PIP5K1B: variants seen among roughly 807,000 people sequenced by gnomAD.
PIP5K1B encodes phosphatidylinositol 4-phosphate 5-kinase type-1 beta.
A neutral mutation model predicts 67.0 loss-of-function variants in PIP5K1B; 42 were observed. The ratio of observed to expected loss-of-function variants is 0.63; its 90% CI spans 0.49 to 0.81. The LOEUF is 0.81. Among genes scored for constraint, PIP5K1B ranks in the 30% least tolerant of loss-of-function variants. The probability of loss-of-function intolerance (pLI) is 0.00; values close to 1 mark genes in which losing one functional copy is unlikely to be tolerated. For missense variants in PIP5K1B, 459 were observed against 646.3 expected, an observed-to-expected ratio of 0.71 and a Z score of 3.14; for synonymous variants, 214 against 231.4, an observed-to-expected ratio of 0.92 and a Z score of 0.68.
At chr9:68,978,953 C>A (rs1297171302) in intron 14 of PIP5K1B, among the ~76,000 whole-genome samples, 1 of 152,164 alleles carries the variant, frequency 6.6e-6, no homozygotes, top group Admixed American at 6.5e-5. Context: ...AAATTAATTT[C>A]TGTATATGAT....
chr9:68,806,608 C>G (rs749116430), intron 2 of PIP5K1B, among the ~76,000 whole-genome samples: 1 of 152,208 alleles, frequency 6.6e-6, no homozygotes, highest in Non-Finnish European at 1.5e-5. Flanking sequence ...TCATCCTCTT[C>G]CCTTGAATTC....
chr9:68,753,599 A>T (rs540443879), intron 2 of PIP5K1B, among the ~76,000 whole-genome samples: 21 of 127,258 alleles, frequency 1.7e-4, no homozygotes, highest in Non-Finnish European at 2.9e-4. Flanking sequence ...ATCTCAGCTC[A>T]CTGCAAGCTC....
Position 68,989,165 on chromosome 9 carries a change from G to T in PIP5K1B, c.1503-1975G>T, listed in dbSNP as rs367857794. Reference sequence around the variant, plus strand: ...AAGTTTTTTTTTTAATATTAAAAAGGTCAGGGCTTTTAATATTTCACATAT... The same window carrying T: ...AAGTTTTTTTTTTAATATTAAAAAGTTCAGGGCTTTTAATATTTCACATAT... On this transcript the variant is annotated intron_variant, in intron 14 of 15. Coordinates refer to ENST00000265382, the MANE Select transcript of PIP5K1B (RefSeq NM_003558.4). Among the ~76,000 whole-genome samples, 6 of 147,588 alleles carry T rather than the reference G, an allele frequency of 4.1e-5. No individual in the cohort carries two copies. The East Asian group carries it at 1.2e-3, about 29-fold the overall frequency.
intron 3 of PIP5K1B, among the ~76,000 whole-genome samples, chr9:68,821,995 T>C (rs970540705): frequency 6.6e-6 from 1 of 152,234 alleles, no homozygotes; most frequent in Non-Finnish European, 1.5e-5. Flanking sequence ...AGTTTTTTCA[T>C]ATGAAAATAC....
intron 14 of PIP5K1B, among the ~76,000 whole-genome samples, chr9:68,964,440 A>G (rs1218982367): frequency 6.6e-6 from 1 of 152,264 alleles, no homozygotes. Context: ...CTTTGAATAA[A>G]TTGGCATCTC....
intron 9 of PIP5K1B, among the ~76,000 whole-genome samples, chr9:68,918,209 C>T (rs756758845): frequency 6.6e-6 from 1 of 151,824 alleles, no homozygotes; most frequent in Non-Finnish European, 1.5e-5. Flanking sequence ...CCTGCCTCAG[C>T]CTCCAAAGTA....
chr9:68,780,623 G>C, intron 2 of PIP5K1B: 1 of 1,614,200 alleles, frequency 6.2e-7, no homozygotes, highest in Admixed American at 1.7e-5. Context: ...GGGGAATTGG[G>C]AAGCAGTGTT....
At chr9:68,952,615 C>A (rs571796074) in intron 14 of PIP5K1B, among the ~76,000 whole-genome samples, 3 of 152,214 alleles carry the variant, frequency 2.0e-5, no homozygotes, top group African/African-American at 7.2e-5. Flanking sequence ...TTTATTCTAA[C>A]CCTAACACTT....
At chr9:68,713,124 C>T (rs559684679) in intron 1 of PIP5K1B, among the ~76,000 whole-genome samples, 9 of 152,304 alleles carry the variant, frequency 5.9e-5, no homozygotes, top group African/African-American at 2.2e-4. Context: ...TGAGGCCAGG[C>T]GCGGTGGCTC....
intron 4 of PIP5K1B, among the ~76,000 whole-genome samples, chr9:68,852,019 AC>A (rs1822513280): frequency 1.3e-5 from 2 of 152,212 alleles, no homozygotes; most frequent in Non-Finnish European, 2.9e-5. Flanking sequence ...TTATGAGAAC[AC>A]ATGGACACAG....
intron 2 of PIP5K1B, among the ~76,000 whole-genome samples, chr9:68,770,392 C>G (rs778992510): frequency 6.6e-6 from 1 of 152,194 alleles, no homozygotes; most frequent in African/African-American, 2.4e-5. Flanking sequence ...TGCCACCAGT[C>G]CTCCTGCACC....
At chr9:68,835,021 G>C (rs1304244357) in intron 4 of PIP5K1B, among the ~76,000 whole-genome samples, 1 of 152,222 alleles carries the variant, frequency 6.6e-6, no homozygotes, top group Non-Finnish European at 1.5e-5. Flanking sequence ...ACAGTAACTT[G>C]TCAGGGGAGG....
At chr9:68,855,743 C>A (rs759450212) in intron 4 of PIP5K1B, among the ~76,000 whole-genome samples, 5 of 152,168 alleles carry the variant, frequency 3.3e-5, no homozygotes, top group Non-Finnish European at 7.3e-5. Context: ...ACAACTGCCC[C>A]CAATCACTTT....
In PIP5K1B at chr9:68,836,074, G is replaced by A. The variant is rs191662222; in HGVS notation, c.69+13391G>A. Among the ~76,000 whole-genome samples the A allele has an allele frequency of 2.6e-5, 4 of 152,296 alleles. No individual in the cohort carries two copies. The East Asian group carries it at 7.7e-4, about 29-fold the overall frequency. On this transcript the variant is annotated intron_variant, in intron 4 of 15. Transcript: ENST00000265382. ...AGGACAGAGAGTACAGTAGAATGGG[G>A]TGAGGGTGTATGGTTGAAGACAGTA...
At chr9:68,915,793 T>C (rs1455928692) in intron 8 of PIP5K1B, among the ~76,000 whole-genome samples, 2 of 152,208 alleles carry the variant, frequency 1.3e-5, no homozygotes, top group Non-Finnish European at 2.9e-5. Flanking sequence ...TTTTGAAAGA[T>C]GAAGTGTGAA....
At position 68,817,267 on chromosome 9, in the gene PIP5K1B, A is replaced by G. The variant is rs117524316; in HGVS notation, c.-85-1194A>G. Among the ~76,000 whole-genome samples, 28 of 152,368 alleles carry G rather than the reference A, an allele frequency of 1.8e-4. 1 individual carries two copies. In the East Asian group the frequency reaches 5.2e-3, roughly 28 times the overall value. On this transcript the variant is annotated intron_variant, in intron 2 of 15. Coordinates refer to ENST00000265382, the MANE Select transcript of PIP5K1B (RefSeq NM_003558.4). ...GTGTGTCAATAAGCAGGCACTCACC[A>G]TGCACATTTGGGCTGATTGCTTCAA...
At chr9:68,903,260 G>A (rs1357554188) in intron 8 of PIP5K1B, among the ~76,000 whole-genome samples, 1 of 152,140 alleles carries the variant, frequency 6.6e-6, no homozygotes, top group Non-Finnish European at 1.5e-5. Context: ...AATAGCAACA[G>A]CAAACATTCT....
chr9:68,809,212 T>G (rs925071164), intron 2 of PIP5K1B, among the ~76,000 whole-genome samples: 3 of 151,984 alleles, frequency 2.0e-5, no homozygotes, highest in Non-Finnish European at 4.4e-5. Context: ...CAGTTTGGTG[T>G]TTTTTTTGTT....
intron 5 of PIP5K1B, among the ~76,000 whole-genome samples, chr9:68,876,297 T>C (rs1404005054): frequency 6.6e-6 from 1 of 152,162 alleles, no homozygotes; most frequent in Non-Finnish European, 1.5e-5. Context: ...ATATCCAAAA[T>C]TCGTGGTTAA....
Sources: allele counts gnomAD v4.1 joint callset (sites outside exome capture counted in the v4.1 genomes callset), GRCh38; gene constraint gnomAD v4.1.1; transcripts MANE v1.5; gene names NCBI Gene and HGNC (gene_info 2026-07-23, HGNC 2026-07-21).